The following CYP4F11 variants were observed in gnomAD, a reference collection of about 807,000 sequenced individuals.
CYP4F11 encodes cytochrome P450 family 4 subfamily F member 11.
Under a neutral mutation model 62.2 loss-of-function variants are expected in CYP4F11, and 79 were observed. The ratio of observed to expected loss-of-function variants is 1.27; its 90% confidence interval spans 1.06 to 1.53. The LOEUF (loss-of-function observed/expected upper bound fraction) is 1.53, where lower values mean the gene tolerates loss of function less well. Ranked by LOEUF, CYP4F11 falls within the 40% of genes most tolerant of loss-of-function variation. The probability of loss-of-function intolerance (pLI) is 0.00; values close to 1 mark genes in which losing one functional copy is unlikely to be tolerated. For synonymous variants in CYP4F11, 290 were observed against 263.7 expected (o/e 1.10, Z -0.97); for missense variants, 777 against 680.5 (o/e 1.14, Z -1.58).
At chr19:15,924,258 G>A (rs1322814365) in intron 5 of CYP4F11, among the ~76,000 whole-genome samples, 176 bp from the exon 6 acceptor site, 1 of 152,050 alleles carries the variant, frequency 6.6e-6, no homozygotes, top group Non-Finnish European at 1.5e-5. Context: ...CATGCACCAA[G>A]GTACCCAGAG....
In CYP4F11 at chr19:15,914,743, C is replaced by A. The variant is rs2089569281; in HGVS notation, c.1249+19G>T. 6.2e-7 allele frequency: 1 copy of A among 1,613,922 alleles called. No individual in the cohort carries two copies. Among genetic ancestry groups the A allele is most frequent in the Non-Finnish European group, 8.5e-7 (1 of 1,179,824 alleles). On this transcript the variant is annotated intron_variant, in intron 9 of 11. Coordinates refer to ENST00000402119, the MANE Select transcript of CYP4F11 (RefSeq NM_021187.4). ...CCTCTTGCTACCCAGGAGGCTCCTCCCCCTGAGGCTGTGAGCACCTTTGGG... is the reference window on the plus strand; with the variant it reads ...CCTCTTGCTACCCAGGAGGCTCCTCACCCTGAGGCTGTGAGCACCTTTGGG...
intron 6 of CYP4F11, 39 bp from the exon 7 acceptor site, chr19:15,922,469 C>T: frequency 6.2e-7 from 1 of 1,601,322 alleles, no homozygotes; most frequent in Non-Finnish European, 8.6e-7. Flanking sequence ...CCCCAAATCA[C>T]ACCAGCTCTG....
At position 15,913,438 on chromosome 19, in the gene CYP4F11, C is replaced by G; in HGVS notation, c.*294G>C. On this transcript the variant is annotated 3_prime_UTR_variant, in exon 12 of 12. Coordinates refer to ENST00000402119, the MANE Select transcript of CYP4F11 (RefSeq NM_021187.4). ...CTTGCTCCTTAAACCCATTCTTAATCCTGTTCCCTCTCCTGCTCAAACACC... is the reference window on the plus strand; with the variant it reads ...CTTGCTCCTTAAACCCATTCTTAATGCTGTTCCCTCTCCTGCTCAAACACC... 1 of 429,608 alleles carries G rather than the reference C, an allele frequency of 2.3e-6. No homozygotes were observed. The allele number at this position is 429,608 out of a possible 1,614,324, so 26.6% of individuals were successfully genotyped here.
At chr19:15,930,716 T>C (rs2089706959) in intron 1 of CYP4F11, among the ~76,000 whole-genome samples, 1 of 152,178 alleles carries the variant, frequency 6.6e-6, no homozygotes, top group South Asian at 2.1e-4. Context: ...GATGGCCACA[T>C]GGAAAAGTCC....
chr19:15,934,005 C>CGGGG (rs2089753514), intron 1 of CYP4F11, among the ~76,000 whole-genome samples: 2 of 37,978 alleles, frequency 5.3e-5, no homozygotes, highest in Admixed American at 3.0e-4. Flanking sequence ...AGTGAGTGGG[C>CGGGG]AGAGGAATGA....
intron 1 of CYP4F11, among the ~76,000 whole-genome samples, chr19:15,931,605 G>C (rs72479516): frequency 0.027 from 2,103 of 79,308 alleles, 38 homozygotes; most frequent in Non-Finnish European, 0.039. Flanking sequence ...AGTGAGTGAG[G>C]AGAGGAATGA....
intron 8 of CYP4F11, among the ~76,000 whole-genome samples, chr19:15,921,309 T>A (rs963369825): frequency 6.6e-6 from 1 of 152,222 alleles, no homozygotes; most frequent in African/African-American, 2.4e-5. Flanking sequence ...TGGCCTCAAG[T>A]GATCCTCCCA....
intron 5 of CYP4F11, 82 bp from the exon 6 acceptor site, chr19:15,924,164 G>A (rs1599376528): frequency 2.7e-6 from 4 of 1,508,024 alleles, no homozygotes. Context: ...CTGCCCATCA[G>A]GAAATTGAGT....
chr19:15,914,817 G>A lies in CYP4F11; in HGVS notation c.1194C>T (p.Ile398=), dbSNP rs2089570363. Residue 398 remains isoleucine, a synonymous_variant, in exon 9 of 12, where the codon ATC becomes ATT. Transcript: ENST00000402119. ...SLRLHPPVPV[I]SRCCTQDFVL... ...CAAAGTCCTGCGTGCAACATCGGGA[G>A]ATGACCGGGACTGGGGGATGCAACC... The A allele has an allele frequency of 6.2e-7, 1 of 1,614,196 alleles. No homozygotes were observed. Among genetic ancestry groups the A allele is most frequent in the Non-Finnish European group, 8.5e-7 (1 of 1,180,044 alleles).
intron 4 of CYP4F11, among the ~76,000 whole-genome samples, chr19:15,925,607 AACC>A (rs1389364264): frequency 6.6e-6 from 1 of 151,748 alleles, no homozygotes; most frequent in Admixed American, 6.6e-5. Context: ...GGGTGCAGCA[AACC>A]ACCATGGCAC....
chr19:15,930,362 G>A (rs1432779738), intron 1 of CYP4F11, among the ~76,000 whole-genome samples: 1 of 152,066 alleles, frequency 6.6e-6, no homozygotes, highest in African/African-American at 2.4e-5. Context: ...AGGCCATGGT[G>A]GGTGGATCAC....
intron 2 of CYP4F11, chr19:15,928,227 A>G (rs2089684899): frequency 6.6e-6 from 1 of 152,174 alleles, no homozygotes; most frequent in African/African-American, 2.4e-5. Context: ...AAGAACCAAA[A>G]AGACTCTGAC....
intron 1 of CYP4F11, among the ~76,000 whole-genome samples, chr19:15,932,445 G>C (rs111220014): frequency 2.5e-4 from 15 of 60,652 alleles, no homozygotes; most frequent in African/African-American, 3.2e-4. Flanking sequence ...AGTGAGCGGG[G>C]AGAGGAATGA....
At position 15,916,888 on chromosome 19, in the gene CYP4F11, G is replaced by C. The variant is rs146419936; in HGVS notation, c.1116-1993C>G. Among the ~76,000 whole-genome samples the C allele has an allele frequency of 8.5e-3, 1,299 of 152,216 alleles. 9 individuals are homozygous for C. Among genetic ancestry groups the C allele is most frequent in the South Asian group, 0.024 (115 of 4,822 alleles). Reference sequence around the variant, plus strand: ...GAGATTCCTTAGAGAACTAAACGTAGATCTACTATTCCATCCAACAATCTC... The same window carrying C: ...GAGATTCCTTAGAGAACTAAACGTACATCTACTATTCCATCCAACAATCTC... On this transcript the variant is annotated intron_variant, in intron 8 of 11. Coordinates refer to ENST00000402119, the MANE Select transcript of CYP4F11 (RefSeq NM_021187.4).
At chr19:15,927,925 A>G (rs2089682947) in intron 2 of CYP4F11, 1 of 169,774 alleles carries the variant, frequency 5.9e-6, no homozygotes, top group South Asian at 1.7e-4. Context: ...ATGACACAAC[A>G]TGCTCTGCCA....
Position 15,934,210 on chromosome 19 carries a change from C to G in CYP4F11, c.198+1G>C. The stretch of plus-strand genomic sequence containing the variant: ...CAGACCCGTCCTGCTGACAAACTCA[C>G]CAGGCCCTGGTGTCCCCAAAACCAG... On this transcript the variant is annotated splice_donor_variant, in intron 1 of 11. Transcript: ENST00000402119. LOFTEE classifies it high-confidence loss of function. 6.2e-7 allele frequency: 1 copy of G among 1,613,342 alleles called. No individual in the cohort carries two copies. Among genetic ancestry groups the G allele is most frequent in the Non-Finnish European group, 8.5e-7 (1 of 1,179,562 alleles).
In CYP4F11 at chr19:15,913,730, A is replaced by T. The variant is rs1253201705; in HGVS notation, c.*2T>A. On this transcript the variant is annotated 3_prime_UTR_variant, in exon 12 of 12. Coordinates refer to ENST00000402119, the MANE Select transcript of CYP4F11 (RefSeq NM_021187.4). ...ACAGAGGTGGGTGGGTGGGTAGGACAGTCACTGTGAGTTCGCACCCAGGGG... is the reference window on the plus strand; with the variant it reads ...ACAGAGGTGGGTGGGTGGGTAGGACTGTCACTGTGAGTTCGCACCCAGGGG... The T allele has an allele frequency of 6.2e-7, 1 of 1,613,992 alleles. No homozygotes were observed. Among genetic ancestry groups the T allele is most frequent in the African/African-American group, 1.3e-5 (1 of 74,926 alleles).
Position 15,914,822 on chromosome 19 carries a change from C to T in CYP4F11, c.1189G>A (p.Val397Ile), listed in dbSNP as rs1383684455. The T allele has an allele frequency of 6.2e-6, 10 of 1,613,986 alleles. No homozygotes were observed. Among genetic ancestry groups the T allele is most frequent in the South Asian group, 2.2e-5 (2 of 91,074 alleles). The change falls in exon 9 of 12, where the codon GTC becomes ATC. Residue 397 changes from valine to isoleucine, a missense_variant. Physicochemically the swap from Val to Ile is conservative, Grantham distance 29. Transcript: ENST00000402119. ...TCCTGCGTGCAACATCGGGAGATGA[C>T]CGGGACTGGGGGATGCAACCGCAGG... Reference protein sequence around the residue: ...ESLRLHPPVPVISRCCTQDFV... With the variant: ...ESLRLHPPVPIISRCCTQDFV...
chr19:15,914,739 C>A, intron 9 of CYP4F11, 23 bp downstream of exon 9: 3 of 1,613,912 alleles, frequency 1.9e-6, no homozygotes, highest in Non-Finnish European at 2.5e-6. Context: ...CCAGGAGGCT[C>A]CTCCCCCTGA....
Sources: gnomAD v4.1 joint callset for allele counts (sites outside exome capture counted in the v4.1 genomes callset) on GRCh38, gnomAD v4.1.1 for gene constraint, MANE v1.5 for transcripts, NCBI Gene and HGNC (gene_info 2026-07-23, HGNC 2026-07-21) for gene names.